The following CA10 variants were observed in gnomAD, a reference collection of about 807,000 sequenced individuals.
CA10 encodes carbonic anhydrase-related protein 10.
Under a neutral mutation model 44.2 loss-of-function variants are expected in CA10, and 14 were observed. The ratio of observed to expected loss-of-function variants is 0.32; its 90% CI spans 0.21 to 0.50. The LOEUF is 0.50. Ranked by LOEUF, CA10 falls within the 20% of genes least tolerant of loss-of-function variation. The pLI, the probability that CA10 is intolerant of heterozygous loss-of-function variation, is 0.99. For missense variants in CA10, 350 were observed against 409.7 expected (o/e 0.85, Z 1.26); for synonymous variants, 159 against 141.6 (o/e 1.12, Z -0.87).
chr17:51,799,412 G>C (rs1906841766), intron 3 of CA10, among the ~76,000 whole-genome samples: 1 of 152,098 alleles, frequency 6.6e-6, no homozygotes, highest in African/African-American at 2.4e-5. Context: ...TCATCTATCT[G>C]GGGATTTACT....
chr17:51,652,767 G>C (rs1913623744), intron 5 of CA10, among the ~76,000 whole-genome samples: 1 of 152,202 alleles, frequency 6.6e-6, no homozygotes, highest in Admixed American at 6.5e-5. Flanking sequence ...CCTGGTGGCA[G>C]TTTTGATCTA....
At chr17:51,746,069 T>A (rs977314773) in intron 4 of CA10, among the ~76,000 whole-genome samples, 4 of 152,260 alleles carry the variant, frequency 2.6e-5, no homozygotes, top group African/African-American at 9.6e-5. Context: ...TTGGCAGACA[T>A]CCCTAATCAA....
chr17:51,913,524 A>G (rs569421765), intron 3 of CA10, among the ~76,000 whole-genome samples: 1 of 152,190 alleles, frequency 6.6e-6, no homozygotes, highest in Non-Finnish European at 1.5e-5. Flanking sequence ...AAAGAAGACT[A>G]AAGTCCCTTC....
chr17:52,112,814 C>G (rs1157328500), intron 1 of CA10, among the ~76,000 whole-genome samples: 1 of 152,208 alleles, frequency 6.6e-6, no homozygotes, highest in Non-Finnish European at 1.5e-5. Context: ...AAGAACCACC[C>G]AGAGGCCCTT....
chr17:51,790,471 C>T (rs1055245627), intron 3 of CA10, among the ~76,000 whole-genome samples: 2 of 152,232 alleles, frequency 1.3e-5, no homozygotes, highest in African/African-American at 4.8e-5. Flanking sequence ...CCTGACCTGT[C>T]ACTTTCCCAG....
intron 4 of CA10, among the ~76,000 whole-genome samples, chr17:51,660,433 C>T (rs1347592967): frequency 6.6e-6 from 1 of 152,230 alleles, no homozygotes; most frequent in Non-Finnish European, 1.5e-5. Context: ...AATAAGCAGA[C>T]CTGCTGCAAG....
In CA10 at chr17:52,158,377, C is replaced by G. The variant is rs1332951879; in HGVS notation, c.-591G>C. ...TCCGGGGCAGTTCTTCTCCTGCTTC[C>G]GGGGGGCGGGGAAGGAGCAGACACA... On this transcript the variant is annotated 5_prime_UTR_variant, in exon 1 of 9. Transcript: ENST00000451037. The G allele has an allele frequency of 5.8e-6, 1 of 173,338 alleles. No homozygotes were observed. Among genetic ancestry groups the G allele is most frequent in the Non-Finnish European group, 1.2e-5 (1 of 81,662 alleles). 10.7% of individuals were successfully genotyped at this position (173,338 alleles called of 1,614,324 possible).
chr17:51,919,057 G>A (rs183938868), intron 3 of CA10, among the ~76,000 whole-genome samples: 57 of 151,990 alleles, frequency 3.8e-4, no homozygotes, highest in Admixed American at 2.0e-3. Flanking sequence ...GTTTTAATTT[G>A]GTTCTTTTGT....
intron 3 of CA10, among the ~76,000 whole-genome samples, chr17:51,757,614 A>T (rs1598030047): frequency 6.6e-6 from 1 of 152,242 alleles, no homozygotes; most frequent in Non-Finnish European, 1.5e-5. Context: ...TCAAAGTTAG[A>T]AATGCTAGAG....
At chr17:51,891,828 C>A (rs190504449) in intron 3 of CA10, among the ~76,000 whole-genome samples, 1 of 152,166 alleles carries the variant, frequency 6.6e-6, no homozygotes, top group Non-Finnish European at 1.5e-5. Context: ...CCCATGTCTG[C>A]ACTATAAGCA....
In CA10 at chr17:52,057,597, C is replaced by T. The variant is rs190283127; in HGVS notation, c.136+14722G>A. Among the ~76,000 whole-genome samples, 195 of 152,010 alleles carry T rather than the reference C, an allele frequency of 1.3e-3. 5 individuals are homozygous for T. The South Asian group carries it at 0.023, about 18-fold the overall frequency. On this transcript the variant is annotated intron_variant, in intron 2 of 8. Coordinates refer to ENST00000451037, the MANE Select transcript of CA10 (RefSeq NM_020178.5). ...GTCAAAGTTATACATGGATTTTTGGCGGCATGGGGGTCAGCATCCCTAATC... is the reference window on the plus strand; with the variant it reads ...GTCAAAGTTATACATGGATTTTTGGTGGCATGGGGGTCAGCATCCCTAATC...
chr17:51,728,096 T>C (rs1916589925), intron 4 of CA10, among the ~76,000 whole-genome samples: 1 of 152,116 alleles, frequency 6.6e-6, no homozygotes, highest in Non-Finnish European at 1.5e-5. Context: ...CTTGCTATGT[T>C]ACCTAGGCTG....
chr17:51,780,565 G>A (rs1229234135), intron 3 of CA10, among the ~76,000 whole-genome samples: 1 of 152,152 alleles, frequency 6.6e-6, no homozygotes, highest in Non-Finnish European at 1.5e-5. Context: ...GGAATTGAGT[G>A]GCATGATGAG....
At chr17:51,939,144 A>T (rs1278853913) in intron 2 of CA10, among the ~76,000 whole-genome samples, 1 of 152,076 alleles carries the variant, frequency 6.6e-6, no homozygotes, top group African/African-American at 2.4e-5. Context: ...ATGTATATAT[A>T]TATTTGAGAG....
At position 51,715,891 on chromosome 17, in the gene CA10, T is replaced by C. The variant is rs191288089; in HGVS notation, c.465+31742A>G. 1.9e-3 allele frequency among the ~76,000 whole-genome samples: 289 copies of C among 152,330 alleles called. 1 individual carries two copies. Among genetic ancestry groups the C allele is most frequent in the African/African-American group, 6.6e-3 (276 of 41,576 alleles). On this transcript the variant is annotated intron_variant, in intron 4 of 8. Transcript: ENST00000451037. ...TTTTAGTAGAGACGGGGTTTCACCA[T>C]GTTGGCCAGGCTGGTCTCGAACTCC...
chr17:51,952,321 T>C (rs1374902006), intron 2 of CA10, among the ~76,000 whole-genome samples: 2 of 152,286 alleles, frequency 1.3e-5, no homozygotes, highest in East Asian at 1.9e-4. Context: ...TGAATAATTA[T>C]ATTTGCAACA....
intron 4 of CA10, among the ~76,000 whole-genome samples, chr17:51,704,070 T>G (rs953542885): frequency 5.3e-5 from 8 of 152,224 alleles, no homozygotes; most frequent in African/African-American, 1.9e-4. Context: ...CTATGGAAGC[T>G]TGTGGATTAT....
At chr17:52,151,563 C>T (rs1986888406) in intron 1 of CA10, among the ~76,000 whole-genome samples, 1 of 152,092 alleles carries the variant, frequency 6.6e-6, no homozygotes, top group Non-Finnish European at 1.5e-5. Flanking sequence ...TTGTTCATTT[C>T]TGTGATTCCA....
At chr17:51,826,677 C>T (rs1167263472) in intron 3 of CA10, among the ~76,000 whole-genome samples, 3 of 152,176 alleles carry the variant, frequency 2.0e-5, no homozygotes, top group Admixed American at 6.5e-5. Context: ...GCAGTGGCTC[C>T]CTTACTCTCA....
Sources: gnomAD v4.1 joint callset for allele counts (sites outside exome capture counted in the v4.1 genomes callset) on GRCh38, gnomAD v4.1.1 for gene constraint, MANE v1.5 for transcripts, NCBI Gene and HGNC (gene_info 2026-07-23, HGNC 2026-07-21) for gene names.